DLG2: variants seen among roughly 807,000 people sequenced by gnomAD.
DLG2 encodes the protein disks large homolog 2.
Under a neutral mutation model 132.5 loss-of-function variants are expected in DLG2, and 45 were observed. That is an observed-to-expected ratio of 0.34 (90% CI 0.27 to 0.44). The LOEUF is 0.44. DLG2 is among the 20% of genes least tolerant of loss of function. The pLI, the probability that DLG2 is intolerant of heterozygous loss-of-function variation, is 1.00. For synonymous variants in DLG2, 424 were observed against 419.6 expected, an observed-to-expected ratio of 1.01 and a Z score of -0.13; for missense variants, 1,045 against 1,196.9, an observed-to-expected ratio of 0.87 and a Z score of 1.87.
chr11:84,397,158 G>A (rs1319901056), intron 7 of DLG2, among the ~76,000 whole-genome samples: 4 of 152,106 alleles, frequency 2.6e-5, no homozygotes, highest in Admixed American at 2.6e-4. Context: ...AGACCTCAAG[G>A]AGGATAAATG....
At chr11:84,826,176 G>T (rs116719582) in intron 6 of DLG2, among the ~76,000 whole-genome samples, 1 of 151,694 alleles carries the variant, frequency 6.6e-6, no homozygotes, top group Non-Finnish European at 1.5e-5. Flanking sequence ...ATCACCTCAA[G>T]CATTTATCCT....
At chr11:84,486,817 G>A (rs1294514537) in intron 7 of DLG2, among the ~76,000 whole-genome samples, 1 of 152,004 alleles carries the variant, frequency 6.6e-6, no homozygotes, top group Middle Eastern at 3.2e-3. Context: ...TGATACTCCT[G>A]TATCAAACAT....
chr11:83,973,550 A>G (rs928634978), intron 12 of DLG2, among the ~76,000 whole-genome samples: 2 of 152,044 alleles, frequency 1.3e-5, no homozygotes, highest in African/African-American at 4.8e-5. Flanking sequence ...GTAATTGCTA[A>G]ATTATACTCT....
At chr11:85,401,239 A>C (rs2088066149) in intron 3 of DLG2, among the ~76,000 whole-genome samples, 1 of 152,186 alleles carries the variant, frequency 6.6e-6, no homozygotes, top group Admixed American at 6.6e-5. Context: ...GACAAAAATC[A>C]CCTGATTATC....
chr11:83,853,469 A>G (rs558397388), intron 16 of DLG2, among the ~76,000 whole-genome samples: 13 of 152,316 alleles, frequency 8.5e-5, no homozygotes, highest in Middle Eastern at 3.4e-3. Flanking sequence ...GATTATTACC[A>G]TAAAGCAGAT....
At chr11:85,471,485 A>G (rs770983874) in intron 3 of DLG2, among the ~76,000 whole-genome samples, 10 of 152,220 alleles carry the variant, frequency 6.6e-5, no homozygotes, top group Admixed American at 1.3e-4. Flanking sequence ...AAGGAGGCAC[A>G]AAACACGTAA....
intron 2 of DLG2, among the ~76,000 whole-genome samples, chr11:85,603,413 T>C (rs1310729351): frequency 6.6e-6 from 1 of 152,206 alleles, no homozygotes; most frequent in Non-Finnish European, 1.5e-5. Context: ...CTGTGGGCTC[T>C]AATCACGTGA....
At chr11:83,979,407 T>TA (rs2092579689) in intron 12 of DLG2, among the ~76,000 whole-genome samples, 1 of 152,188 alleles carries the variant, frequency 6.6e-6, no homozygotes, top group African/African-American at 2.4e-5. Context: ...ACTAGACAGA[T>TA]ACACTAATCT....
At chr11:84,062,652 G>C (rs998231342) in intron 10 of DLG2, among the ~76,000 whole-genome samples, 1 of 152,060 alleles carries the variant, frequency 6.6e-6, no homozygotes, top group East Asian at 1.9e-4. Context: ...GGTGAAAACA[G>C]GGACATAATT....
chr11:84,435,335 T>C (rs2098997327), intron 7 of DLG2, among the ~76,000 whole-genome samples: 2 of 152,210 alleles, frequency 1.3e-5, no homozygotes, highest in African/African-American at 4.8e-5. Flanking sequence ...ATAAATGAAC[T>C]ATTTCCATTC....
chr11:83,615,309 T>G (rs1489230095), intron 19 of DLG2, among the ~76,000 whole-genome samples: 2 of 152,210 alleles, frequency 1.3e-5, no homozygotes, highest in Non-Finnish European at 2.9e-5. Flanking sequence ...CAATTGACAT[T>G]ACTGTTGGCT....
rs1441324222 is a variant in DLG2, at chr11:85,359,242, A to C, written c.41-73877T>G. ...AGCTCAATGCTCAGTGGTAATTAGG[A>C]TTAGATGAATGGAAGCAATCCGCTT... is the stretch of plus-strand genomic sequence containing the variant. On this transcript the variant is annotated intron_variant, in intron 3 of 27. Coordinates refer to ENST00000376104, the MANE Select transcript of DLG2 (RefSeq NM_001142699.3). Among the ~76,000 whole-genome samples the C allele has an allele frequency of 2.6e-5, 4 of 152,216 alleles. No individual in the cohort carries two copies. The East Asian group carries it at 7.7e-4, about 29-fold the overall frequency.
At chr11:83,788,744 T>C (rs1455892327) in intron 17 of DLG2, among the ~76,000 whole-genome samples, 2 of 152,230 alleles carry the variant, frequency 1.3e-5, no homozygotes, top group Admixed American at 6.5e-5. Flanking sequence ...AAGAATAAAA[T>C]GTGATCATGG....
At chr11:83,489,374 A>G (rs985706531) in intron 21 of DLG2, among the ~76,000 whole-genome samples, 1 of 152,026 alleles carries the variant, frequency 6.6e-6, no homozygotes, top group Admixed American at 6.6e-5. Context: ...GCAAGAAACC[A>G]ATAAAAAATG....
chr11:84,013,962 GC>G (rs978062420), intron 11 of DLG2, among the ~76,000 whole-genome samples: 1 of 150,986 alleles, frequency 6.6e-6, no homozygotes, highest in Non-Finnish European at 1.5e-5. Flanking sequence ...ACCTGGAGAT[GC>G]TAACTTCTCA....
intron 7 of DLG2, among the ~76,000 whole-genome samples, chr11:84,265,986 C>T (rs1188581206): frequency 2.0e-5 from 3 of 152,096 alleles, no homozygotes; most frequent in Non-Finnish European, 2.9e-5. Flanking sequence ...TGTTCTGTAA[C>T]AAATAAGCTT....
At chr11:84,653,657 A>T (rs576757026) in intron 6 of DLG2, among the ~76,000 whole-genome samples, 2 of 152,156 alleles carry the variant, frequency 1.3e-5, no homozygotes, top group African/African-American at 4.8e-5. Flanking sequence ...ATGCATCAAG[A>T]GTGATGATCC....
intron 18 of DLG2, among the ~76,000 whole-genome samples, chr11:83,769,549 G>A (rs1271370910): frequency 4.0e-5 from 6 of 149,866 alleles, no homozygotes; most frequent in Non-Finnish European, 8.9e-5. Flanking sequence ...AGAGGAGAAT[G>A]ACTCTAGCTT....
At chr11:83,921,112 G>A (rs907465146) in intron 15 of DLG2, among the ~76,000 whole-genome samples, 5 of 152,018 alleles carry the variant, frequency 3.3e-5, no homozygotes, top group Admixed American at 1.3e-4. Context: ...CTGCAAAATG[G>A]GATAATAATA....
Sources: allele counts gnomAD v4.1 joint callset (sites outside exome capture counted in the v4.1 genomes callset), GRCh38; gene constraint gnomAD v4.1.1; transcripts MANE v1.5; gene names NCBI Gene and HGNC (gene_info 2026-07-23, HGNC 2026-07-21).